Variants in PDE8B observed in about 807,000 individuals in gnomAD.
The protein encoded by PDE8B is phosphodiesterase 8B.
In PDE8B, 26 loss-of-function variants were observed where a neutral mutation model predicts 101.3. The ratio of observed to expected loss-of-function variants is 0.26; its 90% CI spans 0.19 to 0.36. PDE8B has a LOEUF of 0.36. Among genes scored for constraint, PDE8B ranks in the 10% least tolerant of loss-of-function variants. The probability of loss-of-function intolerance (pLI) is 1.00; values close to 1 mark genes in which losing one functional copy is unlikely to be tolerated. For missense variants in PDE8B, 810 were observed against 1,163.1 expected (o/e 0.70, Z 4.42); for synonymous variants, 424 against 429.3 (o/e 0.99, Z 0.15).
intron 10 of PDE8B, among the ~76,000 whole-genome samples, chr5:77,369,507 C>G (rs920222307): frequency 6.6e-6 from 1 of 152,056 alleles, no homozygotes; most frequent in African/African-American, 2.4e-5. Flanking sequence ...CAAGGAGATC[C>G]GAAATGGCAT....
chr5:77,120,034 C>A, the PDE8B span, among the ~76,000 whole-genome samples: 2 of 151,888 alleles, frequency 1.3e-5, no homozygotes, highest in African/African-American at 4.8e-5. Flanking sequence ...CTGGAAACAG[C>A]CCATTAACAG....
chr5:77,165,964 T>G, the PDE8B span, among the ~76,000 whole-genome samples: 1 of 129,452 alleles, frequency 7.7e-6, no homozygotes, highest in Admixed American at 9.1e-5. Flanking sequence ...AGATCGTGAG[T>G]GAGACTGCCT....
chr5:77,092,371 A>G, the PDE8B span: 2 of 151,978 alleles, frequency 1.3e-5, no homozygotes, highest in African/African-American at 2.4e-5. Flanking sequence ...TTTGCCCTAC[A>G]TCCTTTGTTC....
chr5:77,397,099 C>T (rs1265597808), intron 10 of PDE8B, among the ~76,000 whole-genome samples: 1 of 127,830 alleles, frequency 7.8e-6, no homozygotes, highest in Non-Finnish European at 1.5e-5. Flanking sequence ...GTGGCATGAT[C>T]TCGGCTCACT....
intron 10 of PDE8B, among the ~76,000 whole-genome samples, chr5:77,375,525 G>C (rs961705844): frequency 6.6e-6 from 1 of 152,258 alleles, no homozygotes; most frequent in East Asian, 1.9e-4. Flanking sequence ...ACTTCTCTTT[G>C]TTTAAAGTGA....
chr5:77,257,552 A>T (rs996045535), intron 1 of PDE8B, among the ~76,000 whole-genome samples: 4 of 152,240 alleles, frequency 2.6e-5, no homozygotes, highest in African/African-American at 7.2e-5. Context: ...TATGCATCTA[A>T]TAATAGGGCT....
the PDE8B span, among the ~76,000 whole-genome samples, chr5:77,185,325 A>G: frequency 3.3e-5 from 5 of 152,290 alleles, no homozygotes; most frequent in Admixed American, 1.3e-4. Flanking sequence ...ATAAGGTATC[A>G]GCAGCATTGG....
intron 1 of PDE8B, among the ~76,000 whole-genome samples, chr5:77,309,979 TGCTC>T (rs1772220952): frequency 8.1e-6 from 1 of 122,996 alleles, no homozygotes; most frequent in African/African-American, 3.3e-5. Context: ...GATGGAGTTT[TGCTC>T]TTGTTGCCCA....
intron 20 of PDE8B, 94 bp from the exon 21 acceptor site, chr5:77,425,673 G>A: frequency 2.4e-6 from 3 of 1,275,762 alleles, no homozygotes; most frequent in Non-Finnish European, 3.4e-6. Flanking sequence ...ACTGGATAAT[G>A]ACCCATTTTC....
intron 1 of PDE8B, among the ~76,000 whole-genome samples, chr5:77,306,130 C>T (rs751260350): frequency 6.6e-6 from 1 of 152,050 alleles, no homozygotes; most frequent in African/African-American, 2.4e-5. Flanking sequence ...AAGCAGGGAT[C>T]GCCAGGCACT....
chr5:77,203,203 C>T, the PDE8B span, among the ~76,000 whole-genome samples: 2 of 152,284 alleles, frequency 1.3e-5, no homozygotes, highest in South Asian at 4.1e-4. Flanking sequence ...CACCTCTAGG[C>T]CTTAAGCACA....
chr5:77,198,611 C>T, the PDE8B span, among the ~76,000 whole-genome samples: 1 of 152,174 alleles, frequency 6.6e-6, no homozygotes, highest in African/African-American at 2.4e-5. Flanking sequence ...TATATTCCAT[C>T]TGTTTCCCTT....
chr5:77,389,079 G>A (rs952910769), intron 10 of PDE8B, among the ~76,000 whole-genome samples: 1 of 152,094 alleles, frequency 6.6e-6, no homozygotes, highest in Admixed American at 6.5e-5. Context: ...AGGAGAGTGA[G>A]TGGTTCTTTC....
intron 10 of PDE8B, among the ~76,000 whole-genome samples, chr5:77,387,575 G>A (rs1260812365): frequency 3.9e-5 from 6 of 152,196 alleles, no homozygotes; most frequent in African/African-American, 1.4e-4. Context: ...TTCTCGAGGA[G>A]TATCTTTGTG....
chr5:77,140,660 T>C, the PDE8B span: 2 of 152,240 alleles, frequency 1.3e-5, no homozygotes, highest in East Asian at 3.9e-4. Context: ...AAGATTTGAT[T>C]TGGGGGAACT....
chr5:77,351,180 A>C (rs759044364), intron 9 of PDE8B, 27 bp downstream of exon 9: 1 of 1,544,030 alleles, frequency 6.5e-7, no homozygotes, highest in Non-Finnish European at 9.0e-7. Context: ...CAACTCTTTT[A>C]GCTGAAGATA....
intron 6 of PDE8B, among the ~76,000 whole-genome samples, chr5:77,343,247 C>A (rs974599757): frequency 6.6e-6 from 1 of 152,166 alleles, no homozygotes; most frequent in African/African-American, 2.4e-5. Flanking sequence ...TACAGTCATG[C>A]ATCATTTAAT....
chr5:77,386,866 T>C (rs1284308112), intron 10 of PDE8B, among the ~76,000 whole-genome samples: 2 of 18,410 alleles, frequency 1.1e-4, no homozygotes, highest in Admixed American at 4.7e-4. Flanking sequence ...ATGTAGTTTC[T>C]TTTTTTTTTT....
At chr5:77,370,005 C>A (rs912299783) in intron 10 of PDE8B, among the ~76,000 whole-genome samples, 1 of 152,214 alleles carries the variant, frequency 6.6e-6, no homozygotes, top group Non-Finnish European at 1.5e-5. Flanking sequence ...TAACATTTTA[C>A]TATATTTGCA....
Sources: gnomAD v4.1 joint callset for allele counts (sites outside exome capture counted in the v4.1 genomes callset) on GRCh38, gnomAD v4.1.1 for gene constraint, MANE v1.5 for transcripts, NCBI Gene and HGNC (gene_info 2026-07-23, HGNC 2026-07-21) for gene names.